The following HEATR4 variants were observed in gnomAD, a reference collection of about 807,000 sequenced individuals.
HEATR4 encodes the protein HEAT repeat containing 4.
A neutral mutation model predicts 108.8 loss-of-function variants in HEATR4; 95 were observed. The ratio of observed to expected loss-of-function variants is 0.87; its 90% confidence interval spans 0.74 to 1.04. The LOEUF (loss-of-function observed/expected upper bound fraction) is 1.04, where lower values mean the gene tolerates loss of function less well. HEATR4 is among the 50% of genes least tolerant of loss of function. HEATR4 has a pLI of 0.00. For missense variants in HEATR4, 1,152 were observed against 1,253.8 expected, an observed-to-expected ratio of 0.92 and a Z score of 1.23; for synonymous variants, 443 against 459.4, an observed-to-expected ratio of 0.96 and a Z score of 0.46.
chr14:73,563,019 C>T (rs1889551635), upstream of HEATR4, among the ~76,000 whole-genome samples: 1 of 151,880 alleles, frequency 6.6e-6, no homozygotes, highest in Non-Finnish European at 1.5e-5. Flanking sequence ...CTGCTTTTGC[C>T]TTTTGAAGCA....
rs1455198112 is a variant in HEATR4, at chr14:73,496,586, C to T, written c.2625+15G>A. On this transcript the variant is annotated intron_variant, in intron 15 of 17. Transcript: ENST00000553558. ...CCTGAATTTTCTCTTGAGAACAGAG[C>T]TTGCACTTATTTACCCTGTTCTTGA... 1 of 1,548,514 alleles carries T rather than the reference C, an allele frequency of 6.5e-7. No homozygotes were observed. The highest frequency in any genetic ancestry group is 8.9e-7 in the Non-Finnish European group (1 of 1,120,564).
intron 5 of HEATR4, chr14:73,517,202 G>C (rs1206642890): frequency 6.6e-6 from 1 of 152,240 alleles, no homozygotes; most frequent in Non-Finnish European, 1.5e-5. Flanking sequence ...TGGGACTCCA[G>C]GTGCGTGCCA....
chr14:73,633,331 A>G, the HEATR4 span, among the ~76,000 whole-genome samples: 2 of 152,094 alleles, frequency 1.3e-5, no homozygotes, highest in African/African-American at 4.8e-5. Context: ...TGAATGAAAA[A>G]GCAAAATTTA....
chr14:73,504,402 C>T (rs918521741), intron 10 of HEATR4, among the ~76,000 whole-genome samples: 1 of 152,134 alleles, frequency 6.6e-6, no homozygotes, highest in Non-Finnish European at 1.5e-5. Flanking sequence ...GCCACCACAC[C>T]CGCCTAATTT....
At chr14:73,518,525 G>A (rs747791906) in intron 5 of HEATR4, among the ~76,000 whole-genome samples, 8 of 152,268 alleles carry the variant, frequency 5.3e-5, no homozygotes, top group Admixed American at 1.3e-4. Flanking sequence ...TGTGGAAGAT[G>A]TGCACATTTT....
At chr14:73,505,890 C>CTTTTTT (rs139879719) in intron 10 of HEATR4, among the ~76,000 whole-genome samples, 4 of 113,316 alleles carry the variant, frequency 3.5e-5, no homozygotes, top group African/African-American at 6.5e-5. Flanking sequence ...ATAAACGTTT[C>CTTTTTT]TTTTTTTTTT....
At chr14:73,552,852 T>G (rs1432321761) in intron 1 of HEATR4, among the ~76,000 whole-genome samples, 1 of 103,964 alleles carries the variant, frequency 9.6e-6, no homozygotes, top group African/African-American at 3.5e-5. Flanking sequence ...ATGCCATGAG[T>G]CTGAGGCCCC....
In HEATR4 at chr14:73,493,354, G is replaced by A; in HGVS notation, c.2786-230C>T. Reference sequence around the variant, plus strand: ...TATCCTGTTTGTTATTGTTAAATTTGTATGAACCTTAGAAAAGTTATTAAA... The same window carrying A: ...TATCCTGTTTGTTATTGTTAAATTTATATGAACCTTAGAAAAGTTATTAAA... On this transcript the variant is annotated intron_variant, in intron 16 of 17. Coordinates refer to ENST00000553558, the MANE Select transcript of HEATR4 (RefSeq NM_001220484.1). 6.2e-6 allele frequency: 3 copies of A among 483,500 alleles called. No individual in the cohort carries two copies. In the East Asian group the frequency reaches 1.0e-4, roughly 17 times the overall value. The allele number at this position is 483,500 out of a possible 1,614,324, so 30.0% of individuals were successfully genotyped here.
intron 10 of HEATR4, among the ~76,000 whole-genome samples, chr14:73,504,409 A>T (rs1886679734): frequency 2.0e-5 from 3 of 151,558 alleles, no homozygotes; most frequent in Admixed American, 6.6e-5. Flanking sequence ...CACCCGCCTA[A>T]TTTTTTTTAT....
At chr14:73,593,841 C>T in the HEATR4 span, 1 of 1,614,068 alleles carries the variant, frequency 6.2e-7, no homozygotes, top group East Asian at 2.2e-5. Context: ...TCCCCAATAA[C>T]ATGGACAACA....
Position 73,522,459 on chromosome 14 carries a change from T to A in HEATR4, c.694A>T (p.Lys232Ter), listed in dbSNP as rs1280834197. 1 of 1,614,080 alleles carries A rather than the reference T, an allele frequency of 6.2e-7. No homozygotes were observed. The highest frequency in any genetic ancestry group is 8.5e-7 in the Non-Finnish European group (1 of 1,180,048). ...RPRRPGASPN[K>*]WQSFLRQQYD... is the part of the protein sequence containing the mutation. The stretch of plus-strand genomic sequence containing the variant: ...TGCTGGCGCAGGAAGCTCTGCCACT[T>A]GTTGGGGGATGCCCCAGGCCTTCGA... The change falls in exon 3 of 18, where the codon AAG (lysine) becomes TAG (stop). Residue 232 changes from lysine to a stop codon, truncating the protein, a stop_gained. Coordinates refer to ENST00000553558, the MANE Select transcript of HEATR4 (RefSeq NM_001220484.1). LOFTEE classifies it high-confidence loss of function.
the HEATR4 span, chr14:73,616,877 T>A: frequency 1.7e-6 from 1 of 575,646 alleles, no homozygotes; most frequent in East Asian, 2.8e-5. Flanking sequence ...AAATAAGACA[T>A]TTTGTTCTTT....
the HEATR4 span, chr14:73,567,516 C>T: frequency 6.6e-6 from 1 of 151,988 alleles, no homozygotes; most frequent in African/African-American, 2.4e-5. Context: ...CCAATCAGCA[C>T]TCTGTAAAAT....
the HEATR4 span, chr14:73,582,934 T>G: frequency 6.6e-6 from 1 of 152,120 alleles, no homozygotes; most frequent in Admixed American, 6.6e-5. Context: ...TTTCGCTGTG[T>G]GTCTCATTTA....
the HEATR4 span, among the ~76,000 whole-genome samples, chr14:73,577,974 C>T: frequency 4.0e-5 from 6 of 151,818 alleles, no homozygotes; most frequent in African/African-American, 1.5e-4. Flanking sequence ...CCTCAGCCTC[C>T]CAAGTAGCTG....
the HEATR4 span, among the ~76,000 whole-genome samples, chr14:73,579,117 A>G: frequency 2.1e-4 from 31 of 148,704 alleles, 1 homozygote; most frequent in Admixed American, 1.2e-3. Context: ...ACAGCCAGGT[A>G]TGGTGGCATG....
rs189771970 is a variant in HEATR4 at position 73,484,605 on chromosome 14, C to T, written c.2845-5763G>A. Among the ~76,000 whole-genome samples the T allele has an allele frequency of 1.5e-3, 221 of 152,144 alleles. 1 individual carries two copies. Among genetic ancestry groups the T allele is most frequent in the African/African-American group, 5.0e-3 (206 of 41,516 alleles). On this transcript the variant is annotated intron_variant, in intron 17 of 17. Transcript: ENST00000553558. Reference sequence around the variant, plus strand: ...ATGTTGGCCAGGCTGGTCTCGAACTCCTGGCCCCAAGTGATCCTCCCGCCT... The same window carrying T: ...ATGTTGGCCAGGCTGGTCTCGAACTTCTGGCCCCAAGTGATCCTCCCGCCT...
intron 1 of HEATR4, among the ~76,000 whole-genome samples, chr14:73,555,471 A>AG (rs1889380129): frequency 8.8e-6 from 1 of 113,530 alleles, no homozygotes; most frequent in African/African-American, 2.9e-5. Context: ...AAAGTGAGAG[A>AG]TTTTGACATC....
the HEATR4 span, chr14:73,592,110 C>A: frequency 4.0e-6 from 6 of 1,509,880 alleles, no homozygotes; most frequent in South Asian, 7.6e-5. Context: ...GGCCCACGCG[C>A]GCTACTGCGC....
Sources: gnomAD v4.1 joint callset for allele counts (sites outside exome capture counted in the v4.1 genomes callset) on GRCh38, gnomAD v4.1.1 for gene constraint, MANE v1.5 for transcripts, NCBI Gene and HGNC (gene_info 2026-07-23, HGNC 2026-07-21) for gene names.